The following LRP1B variants were observed in gnomAD, a reference collection of about 807,000 sequenced individuals.
LRP1B encodes the protein low-density lipoprotein receptor-related protein 1B.
In LRP1B, 217 loss-of-function variants were observed where a neutral mutation model predicts 556.6. The observed-to-expected ratio is 0.39, with a 90% CI of 0.35 to 0.44. The LOEUF is 0.44. Among genes scored for constraint, LRP1B ranks in the 20% least tolerant of loss-of-function variants. The pLI is 1.00. For synonymous variants in LRP1B, 2,047 were observed against 1,865.8 expected (o/e 1.10, Z -2.50); for missense variants, 5,053 against 5,620.8 (o/e 0.90, Z 3.23).
intron 83 of LRP1B, among the ~76,000 whole-genome samples, chr2:140,307,614 GATTT>G: frequency 6.6e-6 from 1 of 151,832 alleles, no homozygotes; most frequent in East Asian, 1.9e-4. Flanking sequence ...ATATTGTAAA[GATTT>G]ATCCTTAGTT....
chr2:140,643,681 C>A (rs1179251046), intron 41 of LRP1B, among the ~76,000 whole-genome samples: 1 of 152,114 alleles, frequency 6.6e-6, no homozygotes, highest in Admixed American at 6.5e-5. Context: ...ATGTAGCAGC[C>A]TTGGAGTTTT....
intron 43 of LRP1B, among the ~76,000 whole-genome samples, chr2:140,583,540 A>T (rs1377532464): frequency 6.6e-6 from 1 of 151,870 alleles, no homozygotes; most frequent in Admixed American, 6.6e-5. Context: ...GTCTTTACTT[A>T]TATTATTTAT....
chr2:140,776,085 T>C lies in LRP1B; in HGVS notation c.5500+13A>G. The C allele has an allele frequency of 6.5e-7, 1 of 1,543,218 alleles. No homozygotes were observed. The highest frequency in any genetic ancestry group is 8.7e-7 in the Non-Finnish European group (1 of 1,148,364). ...TATTCAAGACCTGGCACAAATTCAT[T>C]AGTGTGATTTACCTTGCTGTGCTTC... On this transcript the variant is annotated intron_variant, in intron 33 of 90. Coordinates refer to ENST00000389484, the MANE Select transcript of LRP1B (RefSeq NM_018557.3).
At chr2:141,019,158 G>A (rs888834500) in intron 12 of LRP1B, among the ~76,000 whole-genome samples, 5 of 151,906 alleles carry the variant, frequency 3.3e-5, no homozygotes, top group African/African-American at 1.2e-4. Context: ...TTTGCATTCA[G>A]GTAATAGCGC....
rs577804171 is a variant in LRP1B, at chr2:141,818,758, G to A, written c.83-8357C>T. On this transcript the variant is annotated intron_variant, in intron 1 of 90. Coordinates refer to ENST00000389484, the MANE Select transcript of LRP1B (RefSeq NM_018557.3). ...TCACCGTGTTAGCCAGGATGGTCTCGATCTCCTGACCTCGTGATCTGCCCG... is the reference window on the plus strand; with the variant it reads ...TCACCGTGTTAGCCAGGATGGTCTCAATCTCCTGACCTCGTGATCTGCCCG... Among the ~76,000 whole-genome samples the A allele has an allele frequency of 2.8e-3, 426 of 150,700 alleles. 2 individuals are homozygous for A. The highest frequency in any genetic ancestry group is 9.6e-3 in the African/African-American group (396 of 41,154).
At chr2:140,690,346 G>A (rs1311718310) in intron 41 of LRP1B, among the ~76,000 whole-genome samples, 1 of 151,666 alleles carries the variant, frequency 6.6e-6, no homozygotes, top group Admixed American at 6.6e-5. Context: ...TCACTCTTCC[G>A]GGTCTAACCT....
At chr2:141,225,997 A>G (rs982560792) in intron 6 of LRP1B, among the ~76,000 whole-genome samples, 1 of 152,126 alleles carries the variant, frequency 6.6e-6, no homozygotes, top group Non-Finnish European at 1.5e-5. Flanking sequence ...CTTTGCTAAC[A>G]TGAAAAAGTT....
chr2:141,695,716 T>TA (rs554532257), intron 2 of LRP1B, among the ~76,000 whole-genome samples: 27 of 151,740 alleles, frequency 1.8e-4, no homozygotes, highest in South Asian at 6.3e-4. Context: ...ACTGTATTGT[T>TA]AAAAAAAACC....
intron 20 of LRP1B, among the ~76,000 whole-genome samples, chr2:140,925,376 T>A (rs1470205286): frequency 1.3e-5 from 2 of 152,130 alleles, no homozygotes; most frequent in Non-Finnish European, 2.9e-5. Flanking sequence ...CAGATAGACC[T>A]CCAAGGCCCA....
At chr2:141,789,880 G>T (rs1052343808) in intron 2 of LRP1B, among the ~76,000 whole-genome samples, 3 of 151,862 alleles carry the variant, frequency 2.0e-5, no homozygotes, top group Admixed American at 2.0e-4. Flanking sequence ...AGACTAAAAG[G>T]ACTCCAAATG....
At chr2:141,667,316 C>G (rs1206849009) in intron 2 of LRP1B, among the ~76,000 whole-genome samples, 1 of 152,172 alleles carries the variant, frequency 6.6e-6, no homozygotes, top group Admixed American at 6.5e-5. Context: ...CCCATACCCA[C>G]TGTATTCTTG....
At chr2:141,518,696 C>T (rs1036241152) in intron 2 of LRP1B, among the ~76,000 whole-genome samples, 1 of 152,026 alleles carries the variant, frequency 6.6e-6, no homozygotes, top group Non-Finnish European at 1.5e-5. Context: ...CGCCTGTAAT[C>T]CCAACACTTT....
At chr2:140,881,880 T>C (rs1573837874) in intron 25 of LRP1B, among the ~76,000 whole-genome samples, 1 of 152,166 alleles carries the variant, frequency 6.6e-6, no homozygotes, top group Admixed American at 6.6e-5. Context: ...GTGTTTTTGT[T>C]TTCTTTCTTT....
chr2:141,897,327 G>T (rs774804222), intron 1 of LRP1B, among the ~76,000 whole-genome samples: 1 of 152,280 alleles, frequency 6.6e-6, no homozygotes, highest in Admixed American at 6.5e-5. Flanking sequence ...GCACTCAATT[G>T]TTCAGATGTC....
intron 7 of LRP1B, chr2:141,167,307 A>G (rs1008559153): frequency 6.6e-6 from 1 of 152,044 alleles, no homozygotes; most frequent in East Asian, 1.9e-4. Context: ...AGACAGAAGA[A>G]TCTTCTTTGT....
At chr2:140,503,719 A>T (rs7421282) in intron 53 of LRP1B, among the ~76,000 whole-genome samples, 1 of 152,114 alleles carries the variant, frequency 6.6e-6, no homozygotes, top group African/African-American at 2.4e-5. Flanking sequence ...GCCTATTTGT[A>T]AATACAACTT....
At chr2:141,795,816 A>C (rs993326888) in intron 2 of LRP1B, among the ~76,000 whole-genome samples, 1 of 135,620 alleles carries the variant, frequency 7.4e-6, no homozygotes, top group East Asian at 2.2e-4. Context: ...CCAGTAAATC[A>C]ACTTTTCACT....
Position 142,094,119 on chromosome 2 carries a change from A to G in LRP1B, c.82+36529T>C, listed in dbSNP as rs1288794560. On this transcript the variant is annotated intron_variant, in intron 1 of 90. Transcript: ENST00000389484. ...CTGTGTCCCTTTTATAAGGGCACTA[A>G]TCTCATTCATGACAGCTCCACTGCC... Among the ~76,000 whole-genome samples the G allele has an allele frequency of 7.9e-5, 12 of 152,160 alleles. No homozygotes were observed. The South Asian group carries it at 2.1e-3, about 26-fold the overall frequency.
chr2:140,334,366 T>A, intron 79 of LRP1B, 87 bp downstream of exon 79: 2 of 818,604 alleles, frequency 2.4e-6, no homozygotes, highest in Non-Finnish European at 4.2e-6. Context: ...TAAAAATACT[T>A]ATATTGCCAA....
Sources: gnomAD v4.1 joint callset for allele counts (sites outside exome capture counted in the v4.1 genomes callset) on GRCh38, gnomAD v4.1.1 for gene constraint, MANE v1.5 for transcripts, NCBI Gene and HGNC (gene_info 2026-07-23, HGNC 2026-07-21) for gene names.